The following SYNE1 variants were observed in gnomAD, a reference collection of about 807,000 sequenced individuals.
SYNE1 encodes the protein spectrin repeat containing nuclear envelope protein 1.
SYNE1 carries 616 observed loss-of-function variants against 1,111.0 expected under a neutral mutation model. The ratio of observed to expected loss-of-function variants is 0.55; its 90% confidence interval spans 0.52 to 0.59. The LOEUF is 0.59. Among genes scored for constraint, SYNE1 ranks in the 20% least tolerant of loss-of-function variants. SYNE1 has a pLI of 0.00. For missense variants in SYNE1, 10,006 were observed against 10,417.0 expected (o/e 0.96, Z 1.72); for synonymous variants, 3,855 against 3,825.8 (o/e 1.01, Z -0.28).
chr6:152,624,980 T>C (rs1350737257), intron 3 of SYNE1, among the ~76,000 whole-genome samples: 1 of 152,034 alleles, frequency 6.6e-6, no homozygotes, highest in Non-Finnish European at 1.5e-5. Context: ...GAAATGACAA[T>C]GAAACCCAAA....
Position 152,509,994 on chromosome 6 carries a change from AT to A in SYNE1, c.581+198del, listed in dbSNP as rs139311743. On this transcript the variant is annotated intron_variant, in intron 8 of 145. Coordinates refer to ENST00000367255, the MANE Select transcript of SYNE1 (RefSeq NM_182961.4). ...AATTGCATGAATAAAGAAAAAATTA[AT>A]TTTTTAAGAGCATTTTCCTAGAGTA... Among the ~76,000 whole-genome samples the A allele has an allele frequency of 0.014, 2,155 of 152,278 alleles. 44 individuals are homozygous for A. The highest frequency in any genetic ancestry group is 0.11 in the East Asian group (548 of 5,188).
Position 152,458,907 on chromosome 6 carries a change from G to A in SYNE1, c.2418C>T (p.Leu806=). Residue 806 remains leucine (L), a synonymous_variant, in exon 22 of 146, where the codon CTC becomes CTT. Coordinates refer to ENST00000367255, the MANE Select transcript of SYNE1 (RefSeq NM_182961.4). ...TCAACAGCTGCTGAGACTCATAAAGGAGTGGGGAGTAACATTCTTTGACCT... is the reference window on the plus strand; with the variant it reads ...TCAACAGCTGCTGAGACTCATAAAGAAGTGGGGAGTAACATTCTTTGACCT... ...LTKVKECYSP[L]LYESQQLLIP... is the part of the protein sequence containing the mutation. The A allele has an allele frequency of 6.2e-7, 1 of 1,613,982 alleles. No individual in the cohort carries two copies. The highest frequency in any genetic ancestry group is 1.3e-5 in the African/African-American group (1 of 75,008).
intron 97 of SYNE1, among the ~76,000 whole-genome samples, chr6:152,279,277 CAA>C (rs201858581): frequency 1.4e-5 from 2 of 138,584 alleles, no homozygotes; most frequent in Admixed American, 7.2e-5. Context: ...AAAAAAAAAA[CAA>C]AAAAAAGTTT....
intron 10 of SYNE1, among the ~76,000 whole-genome samples, chr6:152,500,048 T>C (rs2099020913): frequency 6.6e-6 from 1 of 152,164 alleles, no homozygotes; most frequent in African/African-American, 2.4e-5. Context: ...TTCCAGCCAC[T>C]CAGTTTACTA....
At chr6:152,222,306 A>G (rs1354636698) in intron 117 of SYNE1, among the ~76,000 whole-genome samples, 1 of 152,168 alleles carries the variant, frequency 6.6e-6, no homozygotes, top group East Asian at 1.9e-4. Flanking sequence ...TTGCTACCCC[A>G]AGCTCTTGTT....
At chr6:152,290,187 C>T (rs571571441) in intron 95 of SYNE1, among the ~76,000 whole-genome samples, 15 of 152,284 alleles carry the variant, frequency 9.9e-5, no homozygotes, top group Admixed American at 4.6e-4. Flanking sequence ...ATAATAAGGT[C>T]GCAATGACAG....
chr6:152,128,340 A>G (rs1273966701), intron 145 of SYNE1: 2 of 152,326 alleles, frequency 1.3e-5, no homozygotes, highest in African/African-American at 4.8e-5. Flanking sequence ...AGCTCCCTGT[A>G]ACGATTTAGG....
chr6:152,349,601 C>G, intron 72 of SYNE1, among the ~76,000 whole-genome samples: 1 of 152,138 alleles, frequency 6.6e-6, no homozygotes, highest in East Asian at 1.9e-4. Context: ...AAGTTCAACG[C>G]GAGGATTCAA....
rs1217902932 is a variant in SYNE1, at chr6:152,217,340, G to A, written c.22191+917C>T. ...GAACCTGGGAGGGAGAGCTTGCAGT[G>A]AGCCGAGATTGCACCACTGCACTCC... On this transcript the variant is annotated intron_variant, in intron 121 of 145. Coordinates refer to ENST00000367255, the MANE Select transcript of SYNE1 (RefSeq NM_182961.4). Among the ~76,000 whole-genome samples the A allele has an allele frequency of 2.0e-5, 3 of 147,756 alleles. No homozygotes were observed. In the Admixed American group the frequency reaches 2.0e-4, roughly 10 times the overall value.
At position 152,441,250 on chromosome 6, in the gene SYNE1, C is replaced by G. The variant is rs933830481; in HGVS notation, c.4029G>C (p.Glu1343Asp). 4.4e-6 allele frequency: 7 copies of G among 1,608,838 alleles called. No homozygotes were observed. The highest frequency in any genetic ancestry group is 5.9e-6 in the Non-Finnish European group (7 of 1,176,704). Residue 1343 changes from glutamate (E) to aspartate (D), a missense_variant, in exon 32 of 146, where the codon GAG (glutamate) becomes GAC (aspartate). Physicochemically the swap from Glu to Asp is conservative, Grantham distance 45. Transcript: ENST00000367255. ...CTGTTTCTTTGTTTGTTTCAAATCG[C>G]TCCCATTTTCTTAATGTGACCTAAA... is the stretch of plus-strand genomic sequence containing the variant. ...RRIQVTLRKW[E>D]RFETNKETVV...
chr6:152,547,156 T>C (rs1473179214), intron 3 of SYNE1, among the ~76,000 whole-genome samples: 1 of 152,126 alleles, frequency 6.6e-6, no homozygotes, highest in East Asian at 1.9e-4. Context: ...CACAGAAACA[T>C]GAGAAATCCT....
At chr6:152,561,728 G>T (rs1006862571) in intron 3 of SYNE1, among the ~76,000 whole-genome samples, 1 of 151,954 alleles carries the variant, frequency 6.6e-6, no homozygotes, top group Non-Finnish European at 1.5e-5. Flanking sequence ...ACATGGATTG[G>T]AACAGAAAGC....
intron 3 of SYNE1, among the ~76,000 whole-genome samples, chr6:152,582,775 C>T (rs1308842722): frequency 6.6e-6 from 1 of 152,012 alleles, no homozygotes; most frequent in Non-Finnish European, 1.5e-5. Context: ...TCTATTACTT[C>T]CATCTTTTTT....
chr6:152,368,938 A>G lies in SYNE1; in HGVS notation c.9807+34T>C, dbSNP rs754223579. ...GCAACTCCAATTTTGCGACATCAGT[A>G]TCACACTCACACACAGCACGTGCCA... On this transcript the variant is annotated intron_variant, in intron 61 of 145. Transcript: ENST00000367255. 5.6e-6 allele frequency: 9 copies of G among 1,613,810 alleles called. No individual in the cohort carries two copies. In the South Asian group the frequency reaches 9.9e-5, roughly 18 times the overall value.
intron 145 of SYNE1, among the ~76,000 whole-genome samples, chr6:152,123,109 A>G (rs901171335): frequency 6.6e-6 from 1 of 152,248 alleles, no homozygotes; most frequent in Non-Finnish European, 1.5e-5. Flanking sequence ...TCAGAATCAT[A>G]CCAAGTATCC....
chr6:152,354,697 T>TA lies in SYNE1; in HGVS notation c.10887dup (p.Asn3630Ter). On this transcript the variant is annotated frameshift_variant, in exon 67 of 146. Transcript: ENST00000367255. LOFTEE classifies it high-confidence loss of function. ...AATTGTATCTCCTTGGTTGCCCTGT[T>TA]AGACTGACGTCTGGTCCTGGGACTA... 2 of 1,614,260 alleles carry TA rather than the reference T, an allele frequency of 1.2e-6. No individual in the cohort carries two copies. The highest frequency in any genetic ancestry group is 8.5e-7 in the Non-Finnish European group (1 of 1,180,040).
At position 152,362,247 on chromosome 6, in the gene SYNE1, T is replaced by C; in HGVS notation, c.10222A>G (p.Met3408Val). 1.2e-6 allele frequency: 2 copies of C among 1,614,226 alleles called. No homozygotes were observed. Among genetic ancestry groups the C allele is most frequent in the Non-Finnish European group, 1.7e-6 (2 of 1,180,042 alleles). Residue 3408 changes from methionine to valine, a missense_variant, in exon 64 of 146, where the codon ATG becomes GTG. Physicochemically the swap from Met to Val is conservative, Grantham distance 21. Transcript: ENST00000367255. The part of the protein sequence containing the change: ...VRQFSGWMDS[M>V]EANLNESERQ... ...TCTGATTCATTCAGGTTGGCTTCCA[T>C]ACTATCCATCCAACCGGAGAACTGT... is the stretch of plus-strand genomic sequence containing the variant.
chr6:152,497,486 C>A (rs751955207), intron 11 of SYNE1, among the ~76,000 whole-genome samples: 2 of 152,152 alleles, frequency 1.3e-5, no homozygotes, highest in African/African-American at 2.4e-5. Flanking sequence ...GTCAGTGTGG[C>A]CACCAGAAGT....
intron 3 of SYNE1, among the ~76,000 whole-genome samples, chr6:152,565,355 G>T (rs2099409484): frequency 1.3e-5 from 2 of 152,078 alleles, no homozygotes; most frequent in Admixed American, 1.3e-4. Context: ...TAAAAGCTGG[G>T]CCCACAACCT....
Sources: allele counts gnomAD v4.1 joint callset (sites outside exome capture counted in the v4.1 genomes callset), GRCh38; gene constraint gnomAD v4.1.1; transcripts MANE v1.5; gene names NCBI Gene and HGNC (gene_info 2026-07-23, HGNC 2026-07-21).